WDR48: variants seen among roughly 807,000 people sequenced by gnomAD.
WDR48 encodes WD repeat domain 48.
Under a neutral mutation model 94.0 loss-of-function variants are expected in WDR48, and 22 were observed. The ratio of observed to expected loss-of-function variants is 0.23; its 90% CI spans 0.17 to 0.33. WDR48 has a LOEUF of 0.33. Ranked by LOEUF, WDR48 falls within the 10% of genes least tolerant of loss-of-function variation. The pLI, the probability that WDR48 is intolerant of heterozygous loss-of-function variation, is 1.00. For missense variants in WDR48, 541 were observed against 813.8 expected (o/e 0.66, Z 4.08); for synonymous variants, 278 against 280.5 (o/e 0.99, Z 0.09).
At chr3:39,088,908 A>G (rs572002656) in intron 15 of WDR48, among the ~76,000 whole-genome samples, 15 of 152,242 alleles carry the variant, frequency 9.9e-5, no homozygotes, top group African/African-American at 3.6e-4. Flanking sequence ...TGTGTGTGAA[A>G]GTCTCTGCCA....
At chr3:39,064,087 C>T (rs766447167) in intron 2 of WDR48, among the ~76,000 whole-genome samples, 12 of 152,014 alleles carry the variant, frequency 7.9e-5, no homozygotes, top group Admixed American at 5.2e-4. Context: ...CAAATGGTAA[C>T]GAGCCCTTTT....
At chr3:39,077,667 A>G (rs995471515) in intron 9 of WDR48, among the ~76,000 whole-genome samples, 2 of 152,248 alleles carry the variant, frequency 1.3e-5, no homozygotes, top group African/African-American at 4.8e-5. Flanking sequence ...ATAGAGATAG[A>G]GGATAAACAG....
At chr3:39,073,262 C>T (rs911242908) in intron 7 of WDR48, among the ~76,000 whole-genome samples, 1 of 152,166 alleles carries the variant, frequency 6.6e-6, no homozygotes, top group Non-Finnish European at 1.5e-5. Flanking sequence ...TAACTTTGCT[C>T]CTGACGTTTG....
chr3:39,088,052 T>A (rs1422409497), intron 14 of WDR48, 76 bp from the exon 15 acceptor site: 6 of 1,358,822 alleles, frequency 4.4e-6, no homozygotes, highest in Non-Finnish European at 6.3e-6. Context: ...TGTTTGAAGC[T>A]TGTGGGAGTA....
intron 5 of WDR48, 68 bp downstream of exon 5, chr3:39,066,943 A>G (rs2033643465): frequency 6.4e-7 from 1 of 1,554,670 alleles, no homozygotes; most frequent in East Asian, 2.2e-5. Context: ...TGGTTTATAA[A>G]ACATTTTTGA....
At position 39,069,741 on chromosome 3, in the gene WDR48, G is replaced by A; in HGVS notation, c.669G>A (p.Thr223=). 6.2e-7 allele frequency: 1 copy of A among 1,611,408 alleles called. No individual in the cohort carries two copies. The highest frequency in any genetic ancestry group is 8.5e-7 in the Non-Finnish European group (1 of 1,178,326). The change falls in exon 7 of 19, where the codon ACG becomes ACA. Residue 223 remains threonine, a synonymous_variant. Transcript: ENST00000302313. ...CATTGCTATTAAACAGAGATGGCACGCAAGTATGCAGTTTCATTTGGGTGT... is the reference window on the plus strand; with the variant it reads ...CATTGCTATTAAACAGAGATGGCACACAAGTATGCAGTTTCATTTGGGTGT... ...VKALLLNRDG[T]QCLSGSSDGT...
intron 7 of WDR48, among the ~76,000 whole-genome samples, chr3:39,070,163 A>T (rs1266233189): frequency 6.6e-6 from 1 of 152,246 alleles, no homozygotes; most frequent in Non-Finnish European, 1.5e-5. Flanking sequence ...TAGTTTTCTA[A>T]CATAATGCTC....
At chr3:39,067,918 T>G (rs1426524175) in intron 5 of WDR48, among the ~76,000 whole-genome samples, 1 of 151,904 alleles carries the variant, frequency 6.6e-6, no homozygotes. Context: ...GGGGCTGTCA[T>G]GGTACATCAT....
chr3:39,082,326 G>A (rs531589215), intron 11 of WDR48, among the ~76,000 whole-genome samples: 8 of 150,954 alleles, frequency 5.3e-5, no homozygotes, highest in Non-Finnish European at 1.5e-5. Flanking sequence ...CTGTTGCCCC[G>A]GCTGGAGTGC....
chr3:39,085,372 GTCTT>G, intron 13 of WDR48, 139 bp from the exon 14 acceptor site: 1 of 690,908 alleles, frequency 1.4e-6, no homozygotes, highest in Non-Finnish European at 2.5e-6. Flanking sequence ...AATGACTAAA[GTCTT>G]TATTTTAGAC....
At chr3:39,067,953 C>G (rs1319626732) in intron 5 of WDR48, among the ~76,000 whole-genome samples, 2 of 151,764 alleles carry the variant, frequency 1.3e-5, no homozygotes, top group Admixed American at 1.3e-4. Context: ...GGATGTAAGG[C>G]CTGCCTCAAA....
intron 5 of WDR48, among the ~76,000 whole-genome samples, 192 bp downstream of exon 5, chr3:39,067,067 A>G (rs1248692626): frequency 2.0e-5 from 3 of 152,198 alleles, no homozygotes; most frequent in Non-Finnish European, 4.4e-5. Flanking sequence ...GCAGTCTAAA[A>G]ATGGTAACTT....
At chr3:39,056,163 G>C (rs1444076006) in intron 1 of WDR48, among the ~76,000 whole-genome samples, 1 of 152,058 alleles carries the variant, frequency 6.6e-6, no homozygotes, top group Non-Finnish European at 1.5e-5. Flanking sequence ...ACCATAATTT[G>C]TCTAGCCATT....
intron 1 of WDR48, among the ~76,000 whole-genome samples, chr3:39,059,559 G>A (rs1263823885): frequency 6.6e-6 from 1 of 152,122 alleles, no homozygotes; most frequent in Non-Finnish European, 1.5e-5. Context: ...CTGACCTTGG[G>A]CTCTGTTAAG....
At chr3:39,086,967 G>A (rs115421667) in intron 14 of WDR48, among the ~76,000 whole-genome samples, 2,184 of 152,266 alleles carry the variant, frequency 0.014, 20 homozygotes, top group Non-Finnish European at 0.018. Context: ...GATGGTGCTT[G>A]GTGAGCAGCT....
intron 1 of WDR48, among the ~76,000 whole-genome samples, chr3:39,054,961 T>A (rs1479576176): frequency 6.6e-6 from 1 of 152,242 alleles, no homozygotes; most frequent in East Asian, 1.9e-4. Flanking sequence ...AGACAGGACA[T>A]GGGATATCTT....
chr3:39,065,178 G>A (rs542276102), intron 2 of WDR48, among the ~76,000 whole-genome samples: 2 of 152,306 alleles, frequency 1.3e-5, no homozygotes, highest in South Asian at 4.1e-4. Context: ...ATTAAGCCAG[G>A]TAAGAGAAGT....
Position 39,089,240 on chromosome 3 carries a change from C to T in WDR48, c.1590C>T (p.Cys530=). Residue 530 remains cysteine, a synonymous_variant, in exon 16 of 19, where the codon TGC becomes TGT. Transcript: ENST00000302313. The stretch of plus-strand genomic sequence containing the variant: ...GATGGTTTATGTTTAGGCTGCTCTG[C>T]CGAGATTCCGGGGGTGAGACTGAGT... The part of the protein sequence containing the change: ...AGGRTLFRLL[C]RDSGGETESM... 1 of 1,613,090 alleles carries T rather than the reference C, an allele frequency of 6.2e-7. No individual in the cohort carries two copies. Among genetic ancestry groups the T allele is most frequent in the Non-Finnish European group, 8.5e-7 (1 of 1,179,542 alleles).
At chr3:39,055,525 G>C (rs1047639275) in intron 1 of WDR48, among the ~76,000 whole-genome samples, 1 of 152,076 alleles carries the variant, frequency 6.6e-6, no homozygotes, top group Non-Finnish European at 1.5e-5. Flanking sequence ...GTGGAGAGGG[G>C]TCCAAACATA....
Sources: gnomAD v4.1 joint callset for allele counts (sites outside exome capture counted in the v4.1 genomes callset) on GRCh38, gnomAD v4.1.1 for gene constraint, MANE v1.5 for transcripts, NCBI Gene and HGNC (gene_info 2026-07-23, HGNC 2026-07-21) for gene names.